Variants in DCC observed in about 807,000 individuals in gnomAD.
The protein encoded by DCC is netrin receptor DCC.
A neutral mutation model predicts 172.5 loss-of-function variants in DCC; 58 were observed. The observed-to-expected ratio is 0.34, with a 90% CI of 0.27 to 0.42. The LOEUF (loss-of-function observed/expected upper bound fraction) is 0.42, where lower values mean the gene tolerates loss of function less well. Among genes scored for constraint, DCC ranks in the 10% least tolerant of loss-of-function variants. The pLI is 1.00. For missense variants in DCC, 1,740 were observed against 1,791.0 expected, an observed-to-expected ratio of 0.97 and a Z score of 0.51; for synonymous variants, 709 against 644.5, an observed-to-expected ratio of 1.10 and a Z score of -1.52.
At chr18:52,557,847 A>T (rs1290687817) in intron 1 of DCC, among the ~76,000 whole-genome samples, 1 of 152,104 alleles carries the variant, frequency 6.6e-6, no homozygotes, top group African/African-American at 2.4e-5. Flanking sequence ...TTTGGTAGAG[A>T]CTGGTTTTAG....
At chr18:52,473,243 A>G (rs1988997057) in intron 1 of DCC, among the ~76,000 whole-genome samples, 1 of 152,112 alleles carries the variant, frequency 6.6e-6, no homozygotes, top group Non-Finnish European at 1.5e-5. Context: ...CCAGCCATTC[A>G]TTCATTCTAA....
chr18:53,168,917 G>A (rs2054967806), intron 8 of DCC, among the ~76,000 whole-genome samples: 1 of 152,076 alleles, frequency 6.6e-6, no homozygotes, highest in Non-Finnish European at 1.5e-5. Flanking sequence ...AAGGTTGTGG[G>A]CATGGAGTTG....
At chr18:53,028,091 TAA>T in intron 5 of DCC, among the ~76,000 whole-genome samples, 1 of 152,276 alleles carries the variant, frequency 6.6e-6, no homozygotes, top group South Asian at 2.1e-4. Flanking sequence ...GTAGCCAGTC[TAA>T]AATACACTGT....
chr18:52,804,514 A>G (rs2038050884), intron 2 of DCC, among the ~76,000 whole-genome samples: 1 of 152,186 alleles, frequency 6.6e-6, no homozygotes, highest in Non-Finnish European at 1.5e-5. Context: ...ATAAGAATCA[A>G]AAAAGTTTGG....
At chr18:53,103,133 A>C (rs929813858) in intron 7 of DCC, among the ~76,000 whole-genome samples, 6 of 152,072 alleles carry the variant, frequency 3.9e-5, no homozygotes, top group African/African-American at 1.4e-4. Flanking sequence ...CCTAGGATAT[A>C]TCACCATGCA....
chr18:52,997,773 C>T (rs9952149), intron 5 of DCC, among the ~76,000 whole-genome samples: 42 of 152,194 alleles, frequency 2.8e-4, no homozygotes, highest in African/African-American at 9.9e-4. Flanking sequence ...GATTTTGTGT[C>T]CAAACGAGTA....
chr18:52,993,991 A>G (rs1346980716), intron 5 of DCC, among the ~76,000 whole-genome samples: 1 of 152,106 alleles, frequency 6.6e-6, no homozygotes, highest in Admixed American at 6.6e-5. Context: ...TCTTATAGGT[A>G]TAGCTAAGTT....
In DCC at chr18:52,927,060, TA is replaced by T. The variant is rs746510760; in HGVS notation, c.985+1691del. ...GTATGCCAATACATATATATACACA[TA>T]TATACACACATATATGTGTATATAC... is the stretch of plus-strand genomic sequence containing the variant. On this transcript the variant is annotated intron_variant, in intron 5 of 28. Transcript: ENST00000442544. Among the ~76,000 whole-genome samples the T allele has an allele frequency of 4.3e-5, 6 of 137,942 alleles. 1 individual carries two copies. Among genetic ancestry groups the T allele is most frequent in the Admixed American group, 7.1e-5 (1 of 14,056 alleles). The allele number at this position is 137,942 out of a possible 152,430, so 90.5% of individuals were successfully genotyped here.
intron 7 of DCC, among the ~76,000 whole-genome samples, chr18:53,095,277 GAGATGACTGTTCACCAGTCTTC>G (rs922076919): frequency 1.2e-4 from 18 of 152,264 alleles, no homozygotes; most frequent in African/African-American, 4.3e-4. Flanking sequence ...TCAAAATGTA[GAGATGACTGTTCACCAGTCTTC>G]AGATGACTGG....
intron 1 of DCC, among the ~76,000 whole-genome samples, chr18:52,688,528 G>A (rs1201381531): frequency 6.6e-6 from 1 of 152,038 alleles, no homozygotes; most frequent in Non-Finnish European, 1.5e-5. Context: ...TAAAGTAGCA[G>A]ATATGTAGGA....
chr18:53,255,851 T>C (rs2144668523), intron 12 of DCC, among the ~76,000 whole-genome samples: 1 of 152,280 alleles, frequency 6.6e-6, no homozygotes, highest in Non-Finnish European at 1.5e-5. Flanking sequence ...TGTTCCTATT[T>C]CTCCACATCC....
At chr18:52,512,844 T>G (rs1354286356) in intron 1 of DCC, among the ~76,000 whole-genome samples, 1 of 152,186 alleles carries the variant, frequency 6.6e-6, no homozygotes. Context: ...AGATGTGGTA[T>G]CTGGAAGAGT....
At chr18:52,854,474 C>A (rs1382601745) in intron 2 of DCC, among the ~76,000 whole-genome samples, 6 of 152,092 alleles carry the variant, frequency 3.9e-5, no homozygotes, top group Admixed American at 3.9e-4. Context: ...CAGGAGTAAA[C>A]CTACCATGAA....
At chr18:52,950,636 G>T (rs2040624575) in intron 5 of DCC, among the ~76,000 whole-genome samples, 1 of 152,086 alleles carries the variant, frequency 6.6e-6, no homozygotes, top group African/African-American at 2.4e-5. Context: ...TATCAAGACT[G>T]AATATAGGCT....
intron 15 of DCC, among the ~76,000 whole-genome samples, chr18:53,385,771 C>A (rs1428233958): frequency 6.6e-6 from 1 of 152,140 alleles, no homozygotes; most frequent in African/African-American, 2.4e-5. Context: ...GGTTCGAGGG[C>A]ACACATCATC....
chr18:52,837,471 C>A (rs905063670), intron 2 of DCC, among the ~76,000 whole-genome samples: 1 of 152,194 alleles, frequency 6.6e-6, no homozygotes, highest in Non-Finnish European at 1.5e-5. Flanking sequence ...CTCCACAGAT[C>A]TCTAGGGCAG....
At chr18:52,499,383 G>C (rs2030934901) in intron 1 of DCC, among the ~76,000 whole-genome samples, 1 of 152,108 alleles carries the variant, frequency 6.6e-6, no homozygotes, top group Admixed American at 6.6e-5. Flanking sequence ...CTCTACGGAG[G>C]GATGAAAATT....
At chr18:53,227,845 T>C (rs1265710548) in intron 12 of DCC, among the ~76,000 whole-genome samples, 1 of 152,194 alleles carries the variant, frequency 6.6e-6, no homozygotes, top group Non-Finnish European at 1.5e-5. Context: ...CAGACCATTT[T>C]GTGTTTTAGC....
chr18:52,514,976 A>G (rs1319590325), intron 1 of DCC, among the ~76,000 whole-genome samples: 3 of 152,188 alleles, frequency 2.0e-5, no homozygotes, highest in Admixed American at 6.5e-5. Flanking sequence ...TGAGGCTAGT[A>G]TTGCCACGAT....
Sources: gnomAD v4.1 joint callset for allele counts (sites outside exome capture counted in the v4.1 genomes callset) on GRCh38, gnomAD v4.1.1 for gene constraint, MANE v1.5 for transcripts, NCBI Gene and HGNC (gene_info 2026-07-23, HGNC 2026-07-21) for gene names.